Variants in SHROOM2 observed in about 807,000 individuals in gnomAD.
The protein encoded by SHROOM2 is shroom family member 2.
In SHROOM2, 33 loss-of-function variants were observed where a neutral mutation model predicts 75.9. The ratio of observed to expected loss-of-function variants is 0.43; its 90% CI spans 0.33 to 0.58. SHROOM2 has a LOEUF of 0.58. Among genes scored for constraint, SHROOM2 ranks in the 20% least tolerant of loss-of-function variants. The probability of loss-of-function intolerance (pLI) is 0.04; values close to 1 mark genes in which losing one functional copy is unlikely to be tolerated. For synonymous variants in SHROOM2, 655 were observed against 663.6 expected (o/e 0.99, Z 0.20); for missense variants, 1,434 against 1,461.2 (o/e 0.98, Z 0.30).
In SHROOM2 at chrX:9,802,925, C is replaced by CTTTTT. The variant is rs764750698; in HGVS notation, c.165+16228_165+16232dup. Among the ~76,000 whole-genome samples, 61 of 86,786 alleles carry CTTTTT rather than the reference C, an allele frequency of 7.0e-4. 1 individual carries two copies. Among genetic ancestry groups the CTTTTT allele is most frequent in the African/African-American group, 2.7e-3 (59 of 21,599 alleles). The allele number at this position is 86,786 out of a possible 115,157, so 75.4% of individuals were successfully genotyped here. A position where few individuals can be genotyped will look rare whatever the true frequency, so the allele number is the denominator to read the frequency against. The stretch of plus-strand genomic sequence containing the variant: ...TGGGTGACATCACAGCTGCAGATTT[C>CTTTTT]TTTTTTTTTTTTTTTTTAAATGAAA... On this transcript the variant is annotated intron_variant, in intron 1 of 9. Transcript: ENST00000380913.
Position 9,805,499 on chromosome X carries a change from G to A in SHROOM2, c.165+18789G>A, listed in dbSNP as rs760805292. Among the ~76,000 whole-genome samples the A allele has an allele frequency of 3.6e-5, 4 of 112,535 alleles. No homozygotes were observed. The East Asian group carries it at 1.1e-3, about 32-fold the overall frequency. ...CACGCCTGTAATCCCACTTTGTGGGGCTGAGGTGGGCAGATCACTTGAGGT... is the reference window on the plus strand; with the variant it reads ...CACGCCTGTAATCCCACTTTGTGGGACTGAGGTGGGCAGATCACTTGAGGT... On this transcript the variant is annotated intron_variant, in intron 1 of 9. Coordinates refer to ENST00000380913, the MANE Select transcript of SHROOM2 (RefSeq NM_001649.4).
intron 6 of SHROOM2, among the ~76,000 whole-genome samples, chrX:9,933,215 C>T (rs967180905): frequency 9.0e-6 from 1 of 110,807 alleles, no homozygotes; most frequent in Non-Finnish European, 1.9e-5. Context: ...TGTTTTAATG[C>T]AGTCAATATT....
At chrX:9,874,140 G>T (rs778923145) in intron 2 of SHROOM2, among the ~76,000 whole-genome samples, 1 of 112,081 alleles carries the variant, frequency 8.9e-6, no homozygotes, top group East Asian at 2.8e-4. Context: ...ACACAAGGTG[G>T]CAGGCCACTG....
chrX:9,905,922 A>G (rs1343452721), intron 5 of SHROOM2, among the ~76,000 whole-genome samples: 1 of 111,688 alleles, frequency 9.0e-6, no homozygotes, highest in African/African-American at 3.3e-5. Context: ...AACAAAAGTG[A>G]TGGCTGAGAT....
chrX:9,904,843 C>G (rs1362460586), intron 5 of SHROOM2, among the ~76,000 whole-genome samples: 1 of 111,696 alleles, frequency 9.0e-6, no homozygotes, highest in Non-Finnish European at 1.9e-5. Flanking sequence ...CAGACATCCA[C>G]CCAGAAGGCT....
At chrX:9,927,691 G>A (rs1003418592) in intron 5 of SHROOM2, among the ~76,000 whole-genome samples, 1 of 112,369 alleles carries the variant, frequency 8.9e-6, no homozygotes, top group African/African-American at 3.2e-5. Flanking sequence ...TCAAGTGAGG[G>A]CATAACATGA....
chrX:9,944,667 C>T lies in SHROOM2; in HGVS notation c.4338C>T (p.Arg1446=), dbSNP rs2084800750. Residue 1446 remains arginine (R), a synonymous_variant, in exon 9 of 10, where the codon CGC becomes CGT. Transcript: ENST00000380913. ...KKQELIESIS[R]KLQVLREARE... ...AGGAGCTCATCGAGAGCATCAGCCG[C>T]AAGCTGCAGGTGCTCCGGGAGGCCC... 1 of 1,209,266 alleles carries T rather than the reference C, an allele frequency of 8.3e-7. No homozygotes were observed. The highest frequency in any genetic ancestry group is 1.1e-6 in the Non-Finnish European group (1 of 894,047).
intron 1 of SHROOM2, among the ~76,000 whole-genome samples, chrX:9,799,741 G>A (rs143439388): frequency 9.1e-6 from 1 of 110,028 alleles, no homozygotes; most frequent in Non-Finnish European, 1.9e-5. Flanking sequence ...GAGATAACGT[G>A]CATCTGTTTG....
At chrX:9,835,702 G>GC (rs2083940434) in intron 1 of SHROOM2, among the ~76,000 whole-genome samples, 1 of 109,635 alleles carries the variant, frequency 9.1e-6, no homozygotes. Flanking sequence ...CACTGCTTTT[G>GC]CCCGACCTCA....
At chrX:9,789,266 T>A (rs1464908510) in intron 1 of SHROOM2, among the ~76,000 whole-genome samples, 18 of 111,651 alleles carry the variant, frequency 1.6e-4, no homozygotes, top group African/African-American at 5.5e-4. Flanking sequence ...GGGTCTAGTT[T>A]GAAGCTAAAG....
intron 1 of SHROOM2, among the ~76,000 whole-genome samples, chrX:9,837,209 A>G (rs2083951437): frequency 8.9e-6 from 1 of 112,639 alleles, no homozygotes; most frequent in Admixed American, 9.3e-5. Flanking sequence ...CGGCTCTGGA[A>G]GTGACCAGCT....
At chrX:9,925,388 G>T (rs189844033) in intron 5 of SHROOM2, among the ~76,000 whole-genome samples, 1 of 113,048 alleles carries the variant, frequency 8.8e-6, no homozygotes, top group East Asian at 2.8e-4. Context: ...CTGAAGGGCA[G>T]ACCAGCTACC....
At chrX:9,886,209 G>A (rs775919630) in intron 2 of SHROOM2, among the ~76,000 whole-genome samples, 81 of 112,367 alleles carry the variant, frequency 7.2e-4, no homozygotes, top group Non-Finnish European at 1.3e-3. Context: ...GCCTGCCTCC[G>A]ACAACTCCCA....
intron 1 of SHROOM2, among the ~76,000 whole-genome samples, chrX:9,792,137 A>G (rs867473377): frequency 4.0e-5 from 1 of 25,032 alleles, no homozygotes; most frequent in Non-Finnish European, 1.0e-4. Context: ...AATAGAATAG[A>G]ATAGAATAGA....
chrX:9,949,013 C>A lies in SHROOM2; in HGVS notation c.*2076C>A, dbSNP rs1462893592. ...GTGAATAATCCAATTGGTGTCTGTACTCAGCCTTTTGATGTCTTTTTAGGA... is the reference window on the plus strand; with the variant it reads ...GTGAATAATCCAATTGGTGTCTGTAATCAGCCTTTTGATGTCTTTTTAGGA... On this transcript the variant is annotated 3_prime_UTR_variant, in exon 10 of 10. Transcript: ENST00000380913. 1 of 168,603 alleles carries A rather than the reference C, an allele frequency of 5.9e-6. No individual in the cohort carries two copies. The highest frequency in any genetic ancestry group is 3.0e-5 in the African/African-American group (1 of 33,871). 13.9% of individuals were successfully genotyped at this position (168,603 alleles called of 1,213,427 possible). A position where few individuals can be genotyped will look rare whatever the true frequency, so the allele number is the denominator to read the frequency against.
intron 1 of SHROOM2, among the ~76,000 whole-genome samples, chrX:9,792,655 G>A (rs2083673363): frequency 9.1e-6 from 1 of 109,818 alleles, no homozygotes; most frequent in African/African-American, 3.3e-5. Flanking sequence ...AACCCAGGCA[G>A]GGTAGACTCT....
At chrX:9,803,775 G>T (rs1044493589) in intron 1 of SHROOM2, among the ~76,000 whole-genome samples, 61 of 111,597 alleles carry the variant, frequency 5.5e-4, no homozygotes, top group African/African-American at 1.5e-3. Flanking sequence ...GGACACAGAA[G>T]TCAGGATTTT....
intron 1 of SHROOM2, among the ~76,000 whole-genome samples, chrX:9,793,796 G>A (rs2083680674): frequency 9.2e-6 from 1 of 108,604 alleles, no homozygotes; most frequent in African/African-American, 3.4e-5. Context: ...TCAAGCTGGA[G>A]TGCAGTGTCA....
At chrX:9,841,734 C>T (rs1195664460) in intron 1 of SHROOM2, among the ~76,000 whole-genome samples, 2 of 111,690 alleles carry the variant, frequency 1.8e-5, no homozygotes, top group African/African-American at 3.3e-5. Context: ...CACAGAATCA[C>T]ATCTGATGTT....
Sources: allele counts gnomAD v4.1 joint callset (sites outside exome capture counted in the v4.1 genomes callset), GRCh38; gene constraint gnomAD v4.1.1; transcripts MANE v1.5; gene names NCBI Gene and HGNC (gene_info 2026-07-23, HGNC 2026-07-21).